PGGT1B: variants seen among roughly 807,000 people sequenced by gnomAD.
PGGT1B encodes the protein protein geranylgeranyltransferase type I subunit beta.
Under a neutral mutation model 46.1 loss-of-function variants are expected in PGGT1B, and 30 were observed. That is an observed-to-expected ratio of 0.65 (90% confidence interval 0.49 to 0.88). The LOEUF (loss-of-function observed/expected upper bound fraction) is 0.88. Among genes scored for constraint, PGGT1B ranks in the 40% least tolerant of loss-of-function variants. The pLI, the probability that PGGT1B is intolerant of heterozygous loss-of-function variation, is 0.00. For synonymous variants in PGGT1B, 170 were observed against 160.0 expected (o/e 1.06, Z -0.47); for missense variants, 376 against 455.9 (o/e 0.82, Z 1.60).
intron 7 of PGGT1B, among the ~76,000 whole-genome samples, chr5:115,219,164 A>G (rs965027393): frequency 2.0e-5 from 3 of 151,938 alleles, no homozygotes; most frequent in African/African-American, 7.2e-5. Flanking sequence ...TGAAAAAGAA[A>G]AGTTGGAAGT....
At chr5:115,219,464 C>T (rs533958958) in intron 7 of PGGT1B, among the ~76,000 whole-genome samples, 1 of 151,758 alleles carries the variant, frequency 6.6e-6, no homozygotes, top group Admixed American at 6.6e-5. Flanking sequence ...TGATGAAAGG[C>T]CCAACATTAA....
chr5:115,255,122 C>A (rs1339761646), intron 1 of PGGT1B, among the ~76,000 whole-genome samples: 1 of 152,118 alleles, frequency 6.6e-6, no homozygotes, highest in Non-Finnish European at 1.5e-5. Context: ...TACCTACTCA[C>A]AATAAGCACG....
At chr5:115,223,222 A>G (rs890827824) in intron 6 of PGGT1B, among the ~76,000 whole-genome samples, 1 of 152,194 alleles carries the variant, frequency 6.6e-6, no homozygotes, top group African/African-American at 2.4e-5. Context: ...TTCAAAACGT[A>G]TCCATACCCA....
At chr5:115,226,871 G>C (rs1259857941) in intron 6 of PGGT1B, among the ~76,000 whole-genome samples, 1 of 151,928 alleles carries the variant, frequency 6.6e-6, no homozygotes, top group African/African-American at 2.4e-5. Flanking sequence ...TATAGAGAAG[G>C]TGACACTTGA....
chr5:115,215,418 C>G (rs1266932786), intron 8 of PGGT1B, among the ~76,000 whole-genome samples: 2 of 152,200 alleles, frequency 1.3e-5, no homozygotes, highest in African/African-American at 4.8e-5. Flanking sequence ...TCTGCCCCAG[C>G]CTCCCAAGTA....
intron 5 of PGGT1B, chr5:115,231,919 C>T (rs907662322): frequency 5.3e-5 from 8 of 152,054 alleles, no homozygotes; most frequent in African/African-American, 1.7e-4. Flanking sequence ...ATAAATAACA[C>T]ATGTGCATCG....
intron 5 of PGGT1B, among the ~76,000 whole-genome samples, chr5:115,232,935 G>A (rs1391644021): frequency 2.6e-5 from 4 of 151,836 alleles, no homozygotes; most frequent in African/African-American, 9.7e-5. Flanking sequence ...AGATACCTGA[G>A]AAACAAAAGA....
rs150891977 is a variant in PGGT1B at position 115,250,455 on chromosome 5, G to C, written c.259+2682C>G. ...AAAGAAATAGAAGACACATTCACTT[G>C]TCTCCCTTCCAGAGGTTTGCAATTC... On this transcript the variant is annotated intron_variant, in intron 2 of 8. Coordinates refer to ENST00000419445, the MANE Select transcript of PGGT1B (RefSeq NM_005023.4). Among the ~76,000 whole-genome samples the C allele has an allele frequency of 9.0e-4, 137 of 152,242 alleles. 1 individual carries two copies. Among genetic ancestry groups the C allele is most frequent in the African/African-American group, 3.3e-3 (137 of 41,524 alleles).
rs1756193025 is a variant in PGGT1B at position 115,210,607 on chromosome 5, T to C, written c.*1795A>G. The C allele has an allele frequency of 6.6e-6, 1 of 152,132 alleles. No homozygotes were observed. Among genetic ancestry groups the C allele is most frequent in the African/African-American group, 2.4e-5 (1 of 41,452 alleles). 9.4% of individuals were successfully genotyped at this position (152,132 alleles called of 1,614,324 possible). ...AAATACTTTTAGATTGGAATTTTTCTCTAACATTTATGAATAAAATCACTG... is the reference window on the plus strand; with the variant it reads ...AAATACTTTTAGATTGGAATTTTTCCCTAACATTTATGAATAAAATCACTG... On this transcript the variant is annotated 3_prime_UTR_variant, in exon 9 of 9. Transcript: ENST00000419445.
intron 7 of PGGT1B, among the ~76,000 whole-genome samples, 184 bp downstream of exon 7, chr5:115,221,640 C>T (rs935838809): frequency 2.0e-5 from 3 of 151,978 alleles, no homozygotes; most frequent in Non-Finnish European, 4.4e-5. Flanking sequence ...AATTTTCAAG[C>T]AGCACAAGAG....
chr5:115,237,781 G>A (rs1470276695), intron 4 of PGGT1B, 77 bp downstream of exon 4: 4 of 1,235,126 alleles, frequency 3.2e-6, no homozygotes, highest in Non-Finnish European at 4.6e-6. Context: ...TAAAGATCTA[G>A]TATAGTACTG....
At chr5:115,258,745 T>C (rs1237148114) in intron 1 of PGGT1B, among the ~76,000 whole-genome samples, 1 of 152,204 alleles carries the variant, frequency 6.6e-6, no homozygotes, top group Non-Finnish European at 1.5e-5. Context: ...GCTACTTAGG[T>C]ACTTCCAGAA....
At chr5:115,252,802 T>A (rs1047878234) in intron 2 of PGGT1B, 1 of 168,198 alleles carries the variant, frequency 5.9e-6, no homozygotes, top group African/African-American at 2.4e-5. Context: ...TTGTTGGGAA[T>A]GAAAAACAGA....
At chr5:115,260,627 A>G (rs572886487) in intron 1 of PGGT1B, among the ~76,000 whole-genome samples, 1 of 152,352 alleles carries the variant, frequency 6.6e-6, no homozygotes, top group South Asian at 2.1e-4. Flanking sequence ...TAAAATCACT[A>G]CAGAAACTGA....
Position 115,222,331 on chromosome 5 carries a change from C to A in PGGT1B, c.659-323G>T, listed in dbSNP as rs921100481. On this transcript the variant is annotated intron_variant, in intron 6 of 8. Transcript: ENST00000419445. ...GACTGCTAACTCCCTGCCCAGGACCCAATCACCTGAGACTGATTTTTAACT... is the reference window on the plus strand; with the variant it reads ...GACTGCTAACTCCCTGCCCAGGACCAAATCACCTGAGACTGATTTTTAACT... 4.2e-4 allele frequency among the ~76,000 whole-genome samples: 64 copies of A among 152,130 alleles called. 2 individuals carry two copies. The highest frequency in any genetic ancestry group is 5.9e-5 in the Non-Finnish European group (4 of 68,016).
At chr5:115,249,808 T>G (rs73257403) in intron 2 of PGGT1B, among the ~76,000 whole-genome samples, 2,153 of 152,296 alleles carry the variant, frequency 0.014, 52 homozygotes, top group African/African-American at 0.049. Flanking sequence ...AGTATATATA[T>G]AGAGCTCTAC....
Position 115,205,826 on chromosome 5 carries a change from G to T in PGGT1B, c.*6576C>A, listed in dbSNP as rs1268732199. 1 of 151,808 alleles carries T rather than the reference G, an allele frequency of 6.6e-6. No individual in the cohort carries two copies. Among genetic ancestry groups the T allele is most frequent in the African/African-American group, 2.4e-5 (1 of 41,332 alleles). 9.4% of individuals were successfully genotyped at this position (151,808 alleles called of 1,614,324 possible). Reference sequence around the variant, plus strand: ...CAAATTTAAATTGTGCACACTTTTTGCCCCAGTAATTCCTTATCTATAAAT... The same window carrying T: ...CAAATTTAAATTGTGCACACTTTTTTCCCCAGTAATTCCTTATCTATAAAT... On this transcript the variant is annotated 3_prime_UTR_variant, in exon 9 of 9. Coordinates refer to ENST00000419445, the MANE Select transcript of PGGT1B (RefSeq NM_005023.4).
chr5:115,210,202 T>A lies in PGGT1B; in HGVS notation c.*2200A>T, dbSNP rs77478402. 2.0e-5 allele frequency: 3 copies of A among 151,780 alleles called. No individual in the cohort carries two copies. Among genetic ancestry groups the A allele is most frequent in the African/African-American group, 7.3e-5 (3 of 41,348 alleles). 9.4% of individuals were successfully genotyped at this position (151,780 alleles called of 1,614,324 possible). On this transcript the variant is annotated 3_prime_UTR_variant, in exon 9 of 9. Transcript: ENST00000419445. ...CTCCTCCTACCTTCTAAAAAAAAAA[T>A]GCCACAAAATTAGGGGGCGGGAAGG... is the stretch of plus-strand genomic sequence containing the variant.
intron 3 of PGGT1B, among the ~76,000 whole-genome samples, chr5:115,239,777 T>C (rs1757294183): frequency 1.3e-5 from 2 of 152,182 alleles, no homozygotes; most frequent in Admixed American, 6.5e-5. Context: ...AGGATAATTC[T>C]GGGGTGCACA....
Sources: gnomAD v4.1 joint callset for allele counts (sites outside exome capture counted in the v4.1 genomes callset) on GRCh38, gnomAD v4.1.1 for gene constraint, MANE v1.5 for transcripts, NCBI Gene and HGNC (gene_info 2026-07-23, HGNC 2026-07-21) for gene names.